Variants in GDA observed in about 807,000 individuals in gnomAD.
The protein encoded by GDA is cytoplasmic PSD-95 interactor.
In GDA, 18 loss-of-function variants were observed where a neutral mutation model predicts 59.6. The ratio of observed to expected loss-of-function variants is 0.30; its 90% confidence interval spans 0.21 to 0.45. The LOEUF is 0.45. Ranked by LOEUF, GDA falls within the 20% of genes least tolerant of loss-of-function variation. GDA has a pLI of 1.00. For missense variants in GDA, 427 were observed against 552.3 expected (o/e 0.77, Z 2.27); for synonymous variants, 201 against 201.1 (o/e 1.00, Z 0.00).
intron 1 of GDA, among the ~76,000 whole-genome samples, chr9:72,130,355 C>T (rs1825984091): frequency 6.6e-6 from 1 of 152,138 alleles, no homozygotes; most frequent in South Asian, 2.1e-4. Context: ...TGTAAGCCCA[C>T]CTAATACTCA....
chr9:72,135,820 G>A (rs4327921), intron 1 of GDA, among the ~76,000 whole-genome samples: 89,013 of 151,486 alleles, frequency 0.59, 26,827 homozygotes, highest in Middle Eastern at 0.65. Context: ...CATGTTGGCC[G>A]GGCTGCTCTT....
intron 1 of GDA, among the ~76,000 whole-genome samples, chr9:72,138,534 T>C (rs1826327038): frequency 6.6e-6 from 1 of 152,218 alleles, no homozygotes; most frequent in South Asian, 2.1e-4. Context: ...CAATCATCTA[T>C]TGAGTGTCTA....
At chr9:72,215,361 A>C (rs1835972843) in intron 5 of GDA, among the ~76,000 whole-genome samples, 1 of 152,186 alleles carries the variant, frequency 6.6e-6, no homozygotes, top group Non-Finnish European at 1.5e-5. Context: ...GAAACCACCA[A>C]AAGTTACCAT....
At chr9:72,178,413 ATTTTTT>A (rs145032320) in intron 1 of GDA, among the ~76,000 whole-genome samples, 2 of 117,170 alleles carry the variant, frequency 1.7e-5, no homozygotes, top group African/African-American at 6.9e-5. Context: ...TGGAATCGAT[ATTTTTT>A]TTTTTTTTTT....
intron 1 of GDA, among the ~76,000 whole-genome samples, chr9:72,115,274 G>C (rs1049218893): frequency 3.9e-5 from 6 of 152,182 alleles, no homozygotes; most frequent in African/African-American, 1.4e-4. Flanking sequence ...AAATCACCAG[G>C]TGTGTCTAAA....
intron 1 of GDA, among the ~76,000 whole-genome samples, chr9:72,127,430 C>T (rs1472968947): frequency 1.3e-5 from 2 of 151,714 alleles, no homozygotes; most frequent in African/African-American, 2.4e-5. Flanking sequence ...TGAGGTCAAG[C>T]GATTGAGACA....
chr9:72,242,222 C>A (rs897580442), intron 11 of GDA, among the ~76,000 whole-genome samples: 3 of 152,144 alleles, frequency 2.0e-5, no homozygotes, highest in Non-Finnish European at 4.4e-5. Flanking sequence ...CTGTATAAAT[C>A]CCTGCCAAGA....
At chr9:72,160,335 T>C (rs1443598790) in intron 1 of GDA, among the ~76,000 whole-genome samples, 1 of 151,840 alleles carries the variant, frequency 6.6e-6, no homozygotes, top group Non-Finnish European at 1.5e-5. Flanking sequence ...AACAAATATA[T>C]ATATATATTC....
Position 72,231,304 on chromosome 9 carries a change from C to T in GDA, c.988+123C>T, listed in dbSNP as rs1262846602. 2.0e-5 allele frequency: 12 copies of T among 608,494 alleles called. 1 individual carries two copies. In the Admixed American group the frequency reaches 2.2e-4, roughly 11 times the overall value. 37.7% of individuals were successfully genotyped at this position (608,494 alleles called of 1,614,324 possible). Reference sequence around the variant, plus strand: ...AAAAAAATTAGTTTTGGGCCGGGCACGGTAGCTCACGTCTGTAATCCCAGC... The same window carrying T: ...AAAAAAATTAGTTTTGGGCCGGGCATGGTAGCTCACGTCTGTAATCCCAGC... On this transcript the variant is annotated intron_variant, in intron 10 of 13. Coordinates refer to ENST00000358399, the MANE Select transcript of GDA (RefSeq NM_004293.5).
intron 1 of GDA, among the ~76,000 whole-genome samples, chr9:72,137,946 C>T (rs189567457): frequency 1.1e-4 from 17 of 152,222 alleles, no homozygotes; most frequent in South Asian, 2.1e-4. Flanking sequence ...GTTAGGTCAA[C>T]GCCACACTCT....
intron 5 of GDA, among the ~76,000 whole-genome samples, chr9:72,215,161 G>A (rs1835945557): frequency 6.6e-6 from 1 of 152,150 alleles, no homozygotes; most frequent in Non-Finnish European, 1.5e-5. Context: ...AAATGATGAT[G>A]GAAGTGAATA....
At chr9:72,202,796 C>A in intron 3 of GDA, 54 bp downstream of exon 3, 2 of 1,332,412 alleles carry the variant, frequency 1.5e-6, no homozygotes, top group Non-Finnish European at 2.1e-6. Context: ...ATAGAAATAT[C>A]AGTTTCCTAG....
At chr9:72,259,738 A>G (rs1373838670), downstream of GDA, among the ~76,000 whole-genome samples, 2 of 152,164 alleles carry the variant, frequency 1.3e-5, no homozygotes, top group African/African-American at 2.4e-5. Context: ...TAGTCAAAAG[A>G]TTTTCTGCTC....
intron 1 of GDA, among the ~76,000 whole-genome samples, chr9:72,163,072 A>G (rs1828854716): frequency 6.6e-6 from 1 of 152,218 alleles, no homozygotes; most frequent in South Asian, 2.1e-4. Context: ...GCAGTGGACC[A>G]CAAAAGAGAC....
chr9:72,199,387 A>G (rs1386348647), intron 2 of GDA, among the ~76,000 whole-genome samples: 1 of 152,210 alleles, frequency 6.6e-6, no homozygotes, highest in Non-Finnish European at 1.5e-5. Context: ...GGGTAAAAAA[A>G]TCACACTTCA....
intron 3 of GDA, among the ~76,000 whole-genome samples, chr9:72,209,835 G>GT (rs1564068046): frequency 2.6e-5 from 4 of 152,088 alleles, no homozygotes; most frequent in Non-Finnish European, 4.4e-5. Context: ...GAAAATAATC[G>GT]TTTAGTCCCC....
chr9:72,131,457 A>G (rs1225196807), intron 1 of GDA, among the ~76,000 whole-genome samples: 1 of 70,828 alleles, frequency 1.4e-5, no homozygotes, highest in Non-Finnish European at 3.4e-5. Context: ...AATGGTGCTG[A>G]GCCATTTATG....
rs1840407905 is a variant in GDA at position 72,248,754 on chromosome 9, G to A, written c.*412G>A. Reference sequence around the variant, plus strand: ...GAAGACTGAAAATGGACCCATGAGAGTATATTTTTATGAGGGAGCAAAAGT... The same window carrying A: ...GAAGACTGAAAATGGACCCATGAGAATATATTTTTATGAGGGAGCAAAAGT... On this transcript the variant is annotated 3_prime_UTR_variant, in exon 14 of 14. Transcript: ENST00000358399. 1 of 995,330 alleles carries A rather than the reference G, an allele frequency of 1.0e-6. No individual in the cohort carries two copies. Among genetic ancestry groups the A allele is most frequent in the Admixed American group, 5.5e-5 (1 of 18,274 alleles). 61.7% of individuals were successfully genotyped at this position (995,330 alleles called of 1,614,324 possible). A position where few individuals can be genotyped will look rare whatever the true frequency, so the allele number is the denominator to read the frequency against.
At chr9:72,239,792 TA>T (rs1177021806) in intron 10 of GDA, among the ~76,000 whole-genome samples, 1 of 152,146 alleles carries the variant, frequency 6.6e-6, no homozygotes, top group African/African-American at 2.4e-5. Context: ...GTAACTTAAG[TA>T]GATGTAATGA....
Sources: gnomAD v4.1 joint callset for allele counts (sites outside exome capture counted in the v4.1 genomes callset) on GRCh38, gnomAD v4.1.1 for gene constraint, MANE v1.5 for transcripts, NCBI Gene and HGNC (gene_info 2026-07-23, HGNC 2026-07-21) for gene names.